LRRIQ3: variants seen among roughly 807,000 people sequenced by gnomAD.
LRRIQ3 encodes leucine-rich repeat and IQ domain-containing protein 3.
In LRRIQ3, 75 loss-of-function variants were observed where a neutral mutation model predicts 59.3. The ratio of observed to expected loss-of-function variants is 1.26; its 90% CI spans 1.05 to 1.53. The LOEUF is 1.53. Among genes scored for constraint, LRRIQ3 ranks in the 40% most tolerant of loss-of-function variants. The probability of loss-of-function intolerance (pLI) is 0.00; values close to 1 mark genes in which losing one functional copy is unlikely to be tolerated. For synonymous variants in LRRIQ3, 250 were observed against 231.3 expected, an observed-to-expected ratio of 1.08 and a Z score of -0.73; for missense variants, 831 against 710.0, an observed-to-expected ratio of 1.17 and a Z score of -1.94.
rs1475892601 is a variant in LRRIQ3 at position 74,109,412 on chromosome 1, C to A, written c.849G>T (p.Lys283Asn). The change falls in exon 5 of 8, where the codon AAG (lysine) becomes AAT (asparagine). Residue 283 changes from lysine (K) to asparagine (N), a missense_variant. Physicochemically the swap from Lys to Asn is moderately conservative, Grantham distance 94. Transcript: ENST00000354431. Reference protein sequence around the residue: ...FFKPETNIKGKLAYWKHNIYY... With the variant: ...FFKPETNIKGNLAYWKHNIYY... ...TACTTACATGTTTCCAATATGCAAG[C>A]TTTCCTTTTATATTAGTTTCAGGTT... 6.5e-7 allele frequency: 1 copy of A among 1,539,110 alleles called. No individual in the cohort carries two copies. Among genetic ancestry groups the A allele is most frequent in the Non-Finnish European group, 8.8e-7 (1 of 1,136,698 alleles).
chr1:74,182,644 T>C lies in LRRIQ3; in HGVS notation c.467A>G (p.His156Arg). The C allele has an allele frequency of 5.0e-6, 8 of 1,611,232 alleles. No individual in the cohort carries two copies. The highest frequency in any genetic ancestry group is 2.2e-5 in the South Asian group (2 of 90,808). The stretch of plus-strand genomic sequence containing the variant: ...TATTTCTTCATCAGAAATCACATGA[T>C]GATCCAGCGCTTTGAGAGGCCATAT... Reference protein sequence around the residue: ...NSIWPLKALDHHVISDEEIIQ... With the variant: ...NSIWPLKALDRHVISDEEIIQ... The change falls in exon 3 of 8, where the codon CAT becomes CGT. Residue 156 changes from histidine (H) to arginine (R), a missense_variant. Coordinates refer to ENST00000354431, the MANE Select transcript of LRRIQ3 (RefSeq NM_001105659.2).
intron 4 of LRRIQ3, among the ~76,000 whole-genome samples, chr1:74,148,921 T>G (rs1647747582): frequency 6.6e-6 from 1 of 152,140 alleles, no homozygotes; most frequent in African/African-American, 2.4e-5. Context: ...AGGCACACAT[T>G]TTAGTCAACA....
intron 1 of LRRIQ3, among the ~76,000 whole-genome samples, chr1:74,186,479 G>A (rs1417296082): frequency 1.3e-5 from 2 of 152,124 alleles, no homozygotes. Flanking sequence ...CTTGTTAGTA[G>A]CTTTGTGACA....
chr1:74,175,952 T>C (rs900710457), intron 3 of LRRIQ3, among the ~76,000 whole-genome samples: 10 of 152,164 alleles, frequency 6.6e-5, no homozygotes, highest in African/African-American at 2.2e-4. Context: ...ATTCTATATA[T>C]ATTTAGAACA....
chr1:74,055,341 G>C (rs1013260362), intron 6 of LRRIQ3, among the ~76,000 whole-genome samples: 20 of 151,742 alleles, frequency 1.3e-4, no homozygotes, highest in Admixed American at 9.2e-4. Flanking sequence ...GTATCTATTA[G>C]CAGTCATTTC....
chr1:74,030,385 A>C (rs1366076734), intron 7 of LRRIQ3, among the ~76,000 whole-genome samples: 1 of 152,154 alleles, frequency 6.6e-6, no homozygotes. Context: ...AGTAACCAAA[A>C]CAGCATGGTA....
chr1:74,076,987 T>C (rs76850356), intron 5 of LRRIQ3, among the ~76,000 whole-genome samples: 4,451 of 152,214 alleles, frequency 0.029, 105 homozygotes, highest in Admixed American at 0.059. Context: ...CAAGGATAAT[T>C]AAAATTTAAG....
At chr1:74,060,282 C>T (rs12755180) in intron 6 of LRRIQ3, among the ~76,000 whole-genome samples, 26 of 147,382 alleles carry the variant, frequency 1.8e-4, no homozygotes, top group African/African-American at 6.1e-4. Context: ...TCTCTTCCTC[C>T]TCCTCCTCTT....
intron 5 of LRRIQ3, among the ~76,000 whole-genome samples, chr1:74,105,257 AT>A (rs369709404): frequency 0.31 from 44,247 of 142,206 alleles, 7,164 homozygotes; most frequent in Middle Eastern, 0.44. Flanking sequence ...GTGTGTGTGT[AT>A]TTTTTTTTTT....
intron 6 of LRRIQ3, among the ~76,000 whole-genome samples, chr1:74,054,972 AATAT>A (rs890152925): frequency 6.8e-6 from 1 of 147,372 alleles, no homozygotes; most frequent in Non-Finnish European, 1.5e-5. Context: ...AAATATTATA[AATAT>A]ATAATTATAT....
intron 5 of LRRIQ3, 95 bp downstream of exon 5, chr1:74,109,299 T>G (rs1009822094): frequency 3.3e-6 from 3 of 901,866 alleles, no homozygotes; most frequent in Non-Finnish European, 3.4e-6. Flanking sequence ...TGAAGGACAT[T>G]TAATAGAGAC....
intron 3 of LRRIQ3, among the ~76,000 whole-genome samples, chr1:74,161,960 T>C (rs1172914165): frequency 6.6e-6 from 1 of 151,744 alleles, no homozygotes; most frequent in Non-Finnish European, 1.5e-5. Flanking sequence ...ATTCCCTCCA[T>C]TAAAGAAGTG....
At chr1:74,151,611 T>G (rs1647973475) in intron 4 of LRRIQ3, among the ~76,000 whole-genome samples, 1 of 152,016 alleles carries the variant, frequency 6.6e-6, no homozygotes, top group South Asian at 2.1e-4. Context: ...GGGATGGGCA[T>G]TAGTGTGTGA....
Position 74,195,271 on chromosome 1 carries a change from A to G in LRRIQ3, c.-1+2725T>C, listed in dbSNP as rs1651034959. On this transcript the variant is annotated intron_variant, in intron 1 of 7. Transcript: ENST00000354431. ...CAGTGGTTAAACAGAGCCATGAAGC[A>G]CAAGGACTGGAAACAAGTACAGCCC... Among the ~76,000 whole-genome samples the G allele has an allele frequency of 2.6e-5, 4 of 152,344 alleles. No individual in the cohort carries two copies. The South Asian group carries it at 8.3e-4, about 32-fold the overall frequency.
Position 74,060,188 on chromosome 1 carries a change from T to TTTCTTCTTC in LRRIQ3, c.997+14464_997+14472dup, listed in dbSNP as rs1322871460. 6.2e-3 allele frequency among the ~76,000 whole-genome samples: 694 copies of TTTCTTCTTC among 111,598 alleles called. 12 individuals carry two copies. Among genetic ancestry groups the TTTCTTCTTC allele is most frequent in the Admixed American group, 0.011 (117 of 10,720 alleles). The allele number at this position is 111,598 out of a possible 152,430, so 73.2% of individuals were successfully genotyped here. A position where few individuals can be genotyped will look rare whatever the true frequency, so the allele number is the denominator to read the frequency against. ...TCGTCGTCATCTTCTTCTTCTTCTT[T>TTTCTTCTTC]TTCTTCTTCTTCTTCTTCTTCTTCT... On this transcript the variant is annotated intron_variant, in intron 6 of 7. Coordinates refer to ENST00000354431, the MANE Select transcript of LRRIQ3 (RefSeq NM_001105659.2).
intron 3 of LRRIQ3, chr1:74,180,941 A>T: frequency 1.4e-6 from 1 of 699,416 alleles, no homozygotes; most frequent in Non-Finnish European, 2.3e-6. Context: ...ACTAGCTGAC[A>T]TTTTATGGTT....
At chr1:74,095,761 C>T (rs1405664248) in intron 5 of LRRIQ3, among the ~76,000 whole-genome samples, 2 of 151,992 alleles carry the variant, frequency 1.3e-5, no homozygotes, top group African/African-American at 2.4e-5. Flanking sequence ...GTCATTACTG[C>T]TAACTTATAA....
intron 4 of LRRIQ3, among the ~76,000 whole-genome samples, chr1:74,129,035 G>A (rs1646974712): frequency 6.6e-6 from 1 of 152,016 alleles, no homozygotes; most frequent in Admixed American, 6.6e-5. Flanking sequence ...CACCACCACT[G>A]GAACTGTGCT....
intron 5 of LRRIQ3, among the ~76,000 whole-genome samples, chr1:74,088,497 T>C (rs576101375): frequency 1.5e-4 from 23 of 152,062 alleles, no homozygotes; most frequent in Admixed American, 5.2e-4. Context: ...AAAATAGAAC[T>C]TAGAGTCCAG....
Sources: gnomAD v4.1 joint callset for allele counts (sites outside exome capture counted in the v4.1 genomes callset) on GRCh38, gnomAD v4.1.1 for gene constraint, MANE v1.5 for transcripts, NCBI Gene and HGNC (gene_info 2026-07-23, HGNC 2026-07-21) for gene names.